PHACTR1: variants seen among roughly 807,000 people sequenced by gnomAD.
The protein encoded by PHACTR1 is RPEL repeat containing 1.
PHACTR1 carries 16 observed loss-of-function variants against 69.2 expected under a neutral mutation model. The ratio of observed to expected loss-of-function variants is 0.23; its 90% CI spans 0.16 to 0.35. PHACTR1 has a LOEUF of 0.35. Ranked by LOEUF, PHACTR1 falls within the 10% of genes least tolerant of loss-of-function variation. The pLI, the probability that PHACTR1 is intolerant of heterozygous loss-of-function variation, is 1.00. For synonymous variants in PHACTR1, 312 were observed against 284.5 expected, an observed-to-expected ratio of 1.10 and a Z score of -0.97; for missense variants, 510 against 734.7, an observed-to-expected ratio of 0.69 and a Z score of 3.54.
At chr6:13,139,015 A>G (rs1821986656) in intron 5 of PHACTR1, among the ~76,000 whole-genome samples, 1 of 152,036 alleles carries the variant, frequency 6.6e-6, no homozygotes, top group South Asian at 2.1e-4. Flanking sequence ...AAGCTTGAAC[A>G]TGACATGGAG....
chr6:13,079,782 G>A (rs900840989), intron 5 of PHACTR1, among the ~76,000 whole-genome samples: 1 of 152,102 alleles, frequency 6.6e-6, no homozygotes, highest in Non-Finnish European at 1.5e-5. Flanking sequence ...AAAAGTAGCA[G>A]TGTGATATAC....
chr6:13,087,940 C>G (rs1812581075), intron 5 of PHACTR1, among the ~76,000 whole-genome samples: 1 of 152,136 alleles, frequency 6.6e-6, no homozygotes, highest in Admixed American at 6.6e-5. Context: ...AGCCACTACA[C>G]CCAGCCAAAA....
intron 4 of PHACTR1, among the ~76,000 whole-genome samples, chr6:12,826,226 G>A (rs1271642159): frequency 6.6e-6 from 1 of 152,092 alleles, no homozygotes; most frequent in African/African-American, 2.4e-5. Context: ...GGAATTGAGA[G>A]CTTACAAGGA....
At chr6:13,000,089 G>A (rs904591994) in intron 4 of PHACTR1, among the ~76,000 whole-genome samples, 1 of 152,200 alleles carries the variant, frequency 6.6e-6, no homozygotes, top group Admixed American at 6.5e-5. Flanking sequence ...GTGTACTGCA[G>A]GTGTCTTCCA....
At chr6:12,753,972 T>TATATA (rs1297804427) in intron 4 of PHACTR1, among the ~76,000 whole-genome samples, 1 of 136,964 alleles carries the variant, frequency 7.3e-6, no homozygotes, top group South Asian at 2.4e-4. Flanking sequence ...ATATATATAT[T>TATATA]TTTTTTTTGA....
chr6:13,134,363 T>TG (rs1164960437), intron 5 of PHACTR1, among the ~76,000 whole-genome samples: 1 of 152,160 alleles, frequency 6.6e-6, no homozygotes, highest in Non-Finnish European at 1.5e-5. Flanking sequence ...TGGGGAAGTG[T>TG]GGGGAAAGGA....
At chr6:13,240,744 G>A (rs1453429591) in intron 10 of PHACTR1, among the ~76,000 whole-genome samples, 1 of 152,204 alleles carries the variant, frequency 6.6e-6, no homozygotes. Context: ...ACTGTACCCA[G>A]CCAGGATATT....
At chr6:12,916,508 T>C (rs1787019040) in intron 4 of PHACTR1, among the ~76,000 whole-genome samples, 1 of 151,952 alleles carries the variant, frequency 6.6e-6, no homozygotes. Flanking sequence ...CGTCAGGCTT[T>C]GTCAGTGTTT....
intron 4 of PHACTR1, among the ~76,000 whole-genome samples, chr6:12,903,076 A>G (rs1785368098): frequency 6.6e-6 from 1 of 152,212 alleles, no homozygotes; most frequent in Admixed American, 6.5e-5. Context: ...GTGGTGGTGA[A>G]GAGCGAGGGT....
intron 5 of PHACTR1, among the ~76,000 whole-genome samples, chr6:13,153,355 A>AT (rs1757725635): frequency 6.6e-6 from 1 of 152,132 alleles, no homozygotes; most frequent in Non-Finnish European, 1.5e-5. Context: ...TCTTGGGGCC[A>AT]TTTTTGGCTA....
intron 4 of PHACTR1, among the ~76,000 whole-genome samples, chr6:12,895,022 G>C (rs1404736814): frequency 6.6e-6 from 1 of 151,948 alleles, no homozygotes; most frequent in Non-Finnish European, 1.5e-5. Flanking sequence ...GGCACACCAG[G>C]GTTTCTCTGT....
intron 10 of PHACTR1, among the ~76,000 whole-genome samples, chr6:13,230,997 C>CAG (rs36074569): frequency 0.064 from 7,280 of 113,128 alleles, 1,005 homozygotes; most frequent in Admixed American, 0.21. Flanking sequence ...GCCCAGGTGA[C>CAG]AGAGAGAGAG....
intron 5 of PHACTR1, among the ~76,000 whole-genome samples, chr6:13,074,742 A>G (rs928324161): frequency 3.9e-5 from 6 of 152,206 alleles, no homozygotes; most frequent in East Asian, 1.9e-4. Flanking sequence ...AATGCCATCA[A>G]TGGGGGCTGG....
At chr6:13,084,329 C>T (rs574723027) in intron 5 of PHACTR1, among the ~76,000 whole-genome samples, 1,836 of 134,476 alleles carry the variant, frequency 0.014, 43 homozygotes, top group African/African-American at 0.05. Context: ...ACAATGAGAA[C>T]ACATGGACAC....
chr6:12,780,249 C>CTCTGTGTG (rs3222018), intron 4 of PHACTR1, among the ~76,000 whole-genome samples: 5 of 147,452 alleles, frequency 3.4e-5, no homozygotes, highest in African/African-American at 1.0e-4. Context: ...TATCTTTTCT[C>CTCTGTGTG]TGTGTGTGTG....
chr6:12,845,793 G>A (rs147453128), intron 4 of PHACTR1, among the ~76,000 whole-genome samples: 5 of 152,082 alleles, frequency 3.3e-5, no homozygotes, highest in African/African-American at 7.2e-5. Context: ...AAGGTGATTT[G>A]TCTCACCAGA....
At chr6:12,837,203 G>A (rs1214439451) in intron 4 of PHACTR1, among the ~76,000 whole-genome samples, 3 of 152,140 alleles carry the variant, frequency 2.0e-5, no homozygotes, top group African/African-American at 7.2e-5. Flanking sequence ...AGTAAAGAAT[G>A]ATGATAAAAA....
intron 4 of PHACTR1, among the ~76,000 whole-genome samples, chr6:12,813,663 C>T (rs182713777): frequency 1.1e-3 from 172 of 152,316 alleles, no homozygotes; most frequent in Non-Finnish European, 2.0e-3. Context: ...CTGTAGTTTC[C>T]GCCTGTCCCT....
intron 5 of PHACTR1, among the ~76,000 whole-genome samples, chr6:13,093,528 T>C (rs1813634225): frequency 6.6e-6 from 1 of 152,196 alleles, no homozygotes; most frequent in Non-Finnish European, 1.5e-5. Flanking sequence ...AAAATCACAG[T>C]TGTATTACAC....
Sources: allele counts gnomAD v4.1 joint callset (sites outside exome capture counted in the v4.1 genomes callset), GRCh38; gene constraint gnomAD v4.1.1; transcripts MANE v1.5; gene names NCBI Gene and HGNC (gene_info 2026-07-23, HGNC 2026-07-21).